The following TLK2 variants were observed in gnomAD, a reference collection of about 807,000 sequenced individuals.
TLK2 encodes the protein tousled like kinase 2.
In TLK2, 6 loss-of-function variants were observed where a neutral mutation model predicts 117.3. That is an observed-to-expected ratio of 0.05 (90% CI 0.03 to 0.10). The LOEUF (loss-of-function observed/expected upper bound fraction) is 0.10, where lower values mean the gene tolerates loss of function less well. TLK2 is among the 10% of genes least tolerant of loss of function. The probability of loss-of-function intolerance (pLI) is 1.00; values close to 1 mark genes in which losing one functional copy is unlikely to be tolerated. For synonymous variants in TLK2, 257 were observed against 316.7 expected (o/e 0.81, Z 2.00); for missense variants, 299 against 901.2 (o/e 0.33, Z 8.56).
chr17:62,577,636 A>G (rs746997739), intron 13 of TLK2, among the ~76,000 whole-genome samples: 1 of 152,326 alleles, frequency 6.6e-6, no homozygotes, highest in Non-Finnish European at 1.5e-5. Context: ...TGCTCTTTAT[A>G]GGTGATAATG....
intron 15 of TLK2, among the ~76,000 whole-genome samples, chr17:62,582,349 A>G (rs2081284712): frequency 6.6e-6 from 1 of 152,132 alleles, no homozygotes; most frequent in Non-Finnish European, 1.5e-5. Flanking sequence ...CCAAAGTGCT[A>G]GGATTACAGC....
intron 7 of TLK2, among the ~76,000 whole-genome samples, chr17:62,548,869 T>G (rs1022376848): frequency 6.6e-6 from 1 of 151,456 alleles, no homozygotes; most frequent in Non-Finnish European, 1.5e-5. Context: ...CCTGAGTAGC[T>G]GGGATTATAG....
At chr17:62,478,204 G>C (rs1236979809), upstream of TLK2, 2 of 151,894 alleles carry the variant, frequency 1.3e-5, no homozygotes, top group African/African-American at 2.4e-5. Context: ...CTCACTAACC[G>C]GGCGCCTCCG....
chr17:62,606,018 A>C (rs887548388), intron 19 of TLK2, 112 bp from the exon 20 acceptor site: 9 of 469,804 alleles, frequency 1.9e-5, no homozygotes, highest in African/African-American at 1.0e-4. Context: ...AAAAAAAAAA[A>C]AAAAAAAACG....
At chr17:62,594,475 C>G (rs1001615129) in intron 16 of TLK2, among the ~76,000 whole-genome samples, 4 of 152,114 alleles carry the variant, frequency 2.6e-5, no homozygotes, top group Non-Finnish European at 5.9e-5. Flanking sequence ...GAAACTACAA[C>G]TTTAAGGGAA....
chr17:62,525,557 TC>T (rs2076317726), intron 6 of TLK2, among the ~76,000 whole-genome samples: 1 of 151,862 alleles, frequency 6.6e-6, no homozygotes, highest in Non-Finnish European at 1.5e-5. Flanking sequence ...CAAGTGATTC[TC>T]CCAAATCAAC....
intron 15 of TLK2, among the ~76,000 whole-genome samples, chr17:62,582,614 CTTAGT>C (rs1354192086): frequency 6.6e-6 from 1 of 152,050 alleles, no homozygotes; most frequent in Non-Finnish European, 1.5e-5. Context: ...TAAGTCAATG[CTTAGT>C]TTATTTTCTT....
At chr17:62,546,663 C>A (rs1435037419) in intron 7 of TLK2, among the ~76,000 whole-genome samples, 2 of 150,208 alleles carry the variant, frequency 1.3e-5, no homozygotes, top group East Asian at 2.0e-4. Context: ...TCAAGCGATT[C>A]TTCTGCCTCA....
At chr17:62,600,459 T>TC in intron 17 of TLK2, 192 bp from the exon 18 acceptor site, 1 of 515,656 alleles carries the variant, frequency 1.9e-6, no homozygotes, top group South Asian at 3.5e-5. Flanking sequence ...TGGAAACTCT[T>TC]CAAGAGAATA....
intron 11 of TLK2, chr17:62,573,011 C>T (rs2080435792): frequency 1.8e-6 from 1 of 546,634 alleles, no homozygotes; most frequent in Admixed American, 3.4e-5. Flanking sequence ...TAACTAGTGT[C>T]TTAAAGCACA....
At chr17:62,569,319 C>G (rs1022053925) in intron 11 of TLK2, among the ~76,000 whole-genome samples, 2 of 151,424 alleles carry the variant, frequency 1.3e-5, no homozygotes, top group Non-Finnish European at 2.9e-5. Context: ...AAAAAACAAC[C>G]CATCTGGGAT....
At chr17:62,540,167 A>G (rs1329581760) in intron 7 of TLK2, among the ~76,000 whole-genome samples, 6 of 147,532 alleles carry the variant, frequency 4.1e-5, no homozygotes, top group East Asian at 4.0e-4. Flanking sequence ...TGAACACCTG[A>G]ACTCAAGTAA....
At chr17:62,474,461 G>A (rs1368903058), upstream of TLK2, among the ~76,000 whole-genome samples, 1 of 151,176 alleles carries the variant, frequency 6.6e-6, no homozygotes, top group Admixed American at 6.6e-5. Context: ...CTGGGCTGGA[G>A]TGCAGTGGTG....
intron 15 of TLK2, among the ~76,000 whole-genome samples, chr17:62,581,221 T>C (rs934810759): frequency 2.6e-5 from 4 of 152,178 alleles, no homozygotes; most frequent in Non-Finnish European, 5.9e-5. Flanking sequence ...CAGGCAGGTC[T>C]CAAACTTATG....
chr17:62,574,160 G>A (rs2080552903), intron 12 of TLK2, among the ~76,000 whole-genome samples: 1 of 152,008 alleles, frequency 6.6e-6, no homozygotes, highest in Non-Finnish European at 1.5e-5. Context: ...TCCACTTCAG[G>A]TATAATAATA....
chr17:62,579,028 A>G (rs1189244322), intron 14 of TLK2, among the ~76,000 whole-genome samples: 2 of 152,240 alleles, frequency 1.3e-5, no homozygotes, highest in African/African-American at 4.8e-5. Context: ...TCTTAAGTTC[A>G]GTACATTAAT....
rs116967025 is a variant in TLK2, at chr17:62,551,767, A to G, written c.532-535A>G. The G allele has an allele frequency of 3.9e-4, 61 of 157,536 alleles. 1 individual carries two copies. The East Asian group carries it at 9.6e-3, about 25-fold the overall frequency. The allele number at this position is 157,536 out of a possible 1,614,324, so 9.8% of individuals were successfully genotyped here. A position where few individuals can be genotyped will look rare whatever the true frequency, so the allele number is the denominator to read the frequency against. Reference sequence around the variant, plus strand: ...TATAATTAACCTGAATAGGTTAATTATATTGTGGAACCTAAACCGTATAAA... The same window carrying G: ...TATAATTAACCTGAATAGGTTAATTGTATTGTGGAACCTAAACCGTATAAA... On this transcript the variant is annotated intron_variant, in intron 7 of 21. Coordinates refer to ENST00000346027, the MANE Select transcript of TLK2 (RefSeq NM_006852.6).
chr17:62,594,121 G>A (rs2082281503), intron 16 of TLK2, among the ~76,000 whole-genome samples: 2 of 151,774 alleles, frequency 1.3e-5, no homozygotes, highest in South Asian at 4.2e-4. Flanking sequence ...AAAAAGTACA[G>A]TGCAGGCCAG....
intron 19 of TLK2, among the ~76,000 whole-genome samples, chr17:62,603,635 G>T (rs944078405): frequency 6.6e-6 from 1 of 152,094 alleles, no homozygotes; most frequent in African/African-American, 2.4e-5. Flanking sequence ...TGTGATGCTA[G>T]GGATTTTGCT....
Sources: gnomAD v4.1 joint callset for allele counts (sites outside exome capture counted in the v4.1 genomes callset) on GRCh38, gnomAD v4.1.1 for gene constraint, MANE v1.5 for transcripts, NCBI Gene and HGNC (gene_info 2026-07-23, HGNC 2026-07-21) for gene names.